POTED: variants seen among roughly 807,000 people sequenced by gnomAD.
POTED encodes ANKRD26-like family B member 3.
In POTED, 7 loss-of-function variants were observed where a neutral mutation model predicts 19.0. The observed-to-expected ratio is 0.37, with a 90% CI of 0.21 to 0.69. POTED has a LOEUF of 0.69. Among genes scored for constraint, POTED ranks in the 30% least tolerant of loss-of-function variants. POTED has a pLI of 0.56. For synonymous variants in POTED, 16 were observed against 92.0 expected, an observed-to-expected ratio of 0.17 and a Z score of 4.73; for missense variants, 54 against 278.5, an observed-to-expected ratio of 0.19 and a Z score of 5.74.
chr21:13,645,444 G>T lies in POTED; in HGVS notation c.*3878G>T, dbSNP rs569903787. Among the ~76,000 whole-genome samples the T allele has an allele frequency of 9.8e-4, 130 of 132,280 alleles. 24 individuals are homozygous for T. The highest frequency in any genetic ancestry group is 3.6e-3 in the African/African-American group (118 of 32,402). The allele number at this position is 132,280 out of a possible 152,430, so 86.8% of individuals were successfully genotyped here. A position where few individuals can be genotyped will look rare whatever the true frequency, so the allele number is the denominator to read the frequency against. On this transcript the variant is annotated 3_prime_UTR_variant, in exon 11 of 11. Transcript: ENST00000299443. ...AAGACATTCAACATCTCAAAGAAAAGAAATTTCAACCCAGAATTTCATGTC... is the reference window on the plus strand; with the variant it reads ...AAGACATTCAACATCTCAAAGAAAATAAATTTCAACCCAGAATTTCATGTC...
At position 13,645,310 on chromosome 21, in the gene POTED, A is replaced by G. The variant is rs1280404991; in HGVS notation, c.*3744A>G. On this transcript the variant is annotated 3_prime_UTR_variant, in exon 11 of 11. Coordinates refer to ENST00000299443, the MANE Select transcript of POTED (RefSeq NM_174981.6). ...ATAATCGTCAGATTTTCTGAGGTCAAAATAAAAGAAAAAATGTTAAAGGCA... is the reference window on the plus strand; with the variant it reads ...ATAATCGTCAGATTTTCTGAGGTCAGAATAAAAGAAAAAATGTTAAAGGCA... Among the ~76,000 whole-genome samples the G allele has an allele frequency of 3.0e-5, 4 of 134,502 alleles. 2 individuals carry two copies. Among genetic ancestry groups the G allele is most frequent in the Non-Finnish European group, 6.4e-5 (4 of 62,100 alleles). 88.2% of individuals were successfully genotyped at this position (134,502 alleles called of 152,430 possible).
Position 13,640,523 on chromosome 21 carries a change from C to CGT in POTED, c.1534-795_1534-794dup, listed in dbSNP as rs563854848. On this transcript the variant is annotated intron_variant, in intron 10 of 10. Transcript: ENST00000299443. ...AAAAATCCTGCACGTTGCATATATA[C>CGT]GTGTGTGTGTGTGTGTGTGTGTGTG... Among the ~76,000 whole-genome samples the CGT allele has an allele frequency of 8.1e-3, 611 of 75,382 alleles. 188 individuals are homozygous for CGT. Among genetic ancestry groups the CGT allele is most frequent in the Admixed American group, 0.014 (128 of 8,870 alleles). 49.5% of individuals were successfully genotyped at this position (75,382 alleles called of 152,430 possible). A position where few individuals can be genotyped will look rare whatever the true frequency, so the allele number is the denominator to read the frequency against.
At chr21:13,632,520 C>A (rs1689494476) in intron 9 of POTED, among the ~76,000 whole-genome samples, 1 of 71,404 alleles carries the variant, frequency 1.4e-5, no homozygotes, top group African/African-American at 1.2e-4. Context: ...AGCTAATTGA[C>A]TCTATGGACT....
At position 13,610,622 on chromosome 21, in the gene POTED, A is replaced by G. The variant is rs537419636; in HGVS notation, c.394A>G (p.Arg132Gly). ...CGACCACAGCGCCTTCATGGAGCCG[A>G]GGTACCACATCCGTCGAGAAGATCT... is the stretch of plus-strand genomic sequence containing the variant. ...DYDHSAFMEPRYHIRREDLDK... is the reference protein window; with the variant it reads ...DYDHSAFMEPGYHIRREDLDK... Residue 132 changes from arginine (R) to glycine (G), a missense_variant, in exon 1 of 11, where the codon AGG (arginine) becomes GGG (glycine). By Grantham distance (125) the Arg-to-Gly change is moderately radical (BLOSUM62 -2). Coordinates refer to ENST00000299443, the MANE Select transcript of POTED (RefSeq NM_174981.6). 5.1e-4 allele frequency: 553 copies of G among 1,076,820 alleles called. 203 individuals are homozygous for G. In the South Asian group the frequency reaches 6.1e-3, roughly 12 times the overall value. 66.7% of individuals were successfully genotyped at this position (1,076,820 alleles called of 1,614,324 possible). A position where few individuals can be genotyped will look rare whatever the true frequency, so the allele number is the denominator to read the frequency against.
In POTED at chr21:13,637,253, A is replaced by G. The variant is rs1289210089; in HGVS notation, c.1410-2262A>G. Among the ~76,000 whole-genome samples the G allele has an allele frequency of 2.3e-4, 17 of 74,592 alleles. 7 individuals carry two copies. In the South Asian group the frequency reaches 2.3e-3, roughly 10 times the overall value. The allele number at this position is 74,592 out of a possible 152,430, so 48.9% of individuals were successfully genotyped here. ...TAATTTGTATCCCCACCAGCAGTGTATAACTCTTTTTTCACCACATCCACA... is the reference window on the plus strand; with the variant it reads ...TAATTTGTATCCCCACCAGCAGTGTGTAACTCTTTTTTCACCACATCCACA... On this transcript the variant is annotated intron_variant, in intron 9 of 10. Transcript: ENST00000299443.
chr21:13,610,886 A>G (rs1470896142), intron 1 of POTED, 137 bp downstream of exon 1: 1 of 726,794 alleles, frequency 1.4e-6, no homozygotes, highest in Non-Finnish European at 1.8e-6. Context: ...AACCTCAGAG[A>G]GGTCAGGGCC....
chr21:13,639,462 A>G (rs371512664), intron 9 of POTED, 53 bp from the exon 10 acceptor site: 1 of 350,538 alleles, frequency 2.9e-6, no homozygotes, highest in South Asian at 3.1e-5. Flanking sequence ...CTTGCCCTGT[A>G]GATCATTTTA....
rs982108833 is a variant in POTED, at chr21:13,643,129, C to A, written c.*1563C>A. Among the ~76,000 whole-genome samples, 2 of 15,570 alleles carry A rather than the reference C, an allele frequency of 1.3e-4. 1 individual carries two copies. The highest frequency in any genetic ancestry group is 2.0e-4 in the Non-Finnish European group (2 of 9,774). 10.2% of individuals were successfully genotyped at this position (15,570 alleles called of 152,430 possible). A position where few individuals can be genotyped will look rare whatever the true frequency, so the allele number is the denominator to read the frequency against. ...GTCAGTCCATCTTCCACAGGTACAA[C>A]ACACCCCTTACTGCTCATCACCAGA... On this transcript the variant is annotated 3_prime_UTR_variant, in exon 11 of 11. Coordinates refer to ENST00000299443, the MANE Select transcript of POTED (RefSeq NM_174981.6).
chr21:13,634,549 G>A (rs147641803), intron 9 of POTED, among the ~76,000 whole-genome samples: 2,028 of 81,164 alleles, frequency 0.025, 913 homozygotes, highest in African/African-American at 0.18. Context: ...AAGATGCCAG[G>A]CACACCTCTG....
In POTED at chr21:13,635,197, G is replaced by T. The variant is rs2011230663; in HGVS notation, c.1409+4090G>T. 2.5e-5 allele frequency among the ~76,000 whole-genome samples: 2 copies of T among 79,670 alleles called. 1 individual carries two copies. The highest frequency in any genetic ancestry group is 2.1e-4 in the Admixed American group (2 of 9,370). 52.3% of individuals were successfully genotyped at this position (79,670 alleles called of 152,430 possible). A position where few individuals can be genotyped will look rare whatever the true frequency, so the allele number is the denominator to read the frequency against. On this transcript the variant is annotated intron_variant, in intron 9 of 10. Coordinates refer to ENST00000299443, the MANE Select transcript of POTED (RefSeq NM_174981.6). ...TACCTAACAAATACTTATTAAATGA[G>T]TGAAGGGAGTTTATCCTGGATATAT...
At chr21:13,615,823 C>CT (rs558490753) in intron 3 of POTED, among the ~76,000 whole-genome samples, 35 of 1,188 alleles carry the variant, frequency 0.029, 2 homozygotes, top group South Asian at 0.12. Context: ...AAAGGTAATA[C>CT]TTTTTTTTTT....
In POTED at chr21:13,624,019, C is replaced by T. The variant is rs558869170; in HGVS notation, c.1126+1144C>T. Among the ~76,000 whole-genome samples the T allele has an allele frequency of 4.7e-4, 46 of 96,914 alleles. 11 individuals carry two copies. Among genetic ancestry groups the T allele is most frequent in the Admixed American group, 2.8e-3 (28 of 9,950 alleles). The allele number at this position is 96,914 out of a possible 152,430, so 63.6% of individuals were successfully genotyped here. A position where few individuals can be genotyped will look rare whatever the true frequency, so the allele number is the denominator to read the frequency against. Reference sequence around the variant, plus strand: ...CAAAGAAAACCTTTCTATGTTTTCACTTGTCCACTTAACAAATAACTATTA... The same window carrying T: ...CAAAGAAAACCTTTCTATGTTTTCATTTGTCCACTTAACAAATAACTATTA... On this transcript the variant is annotated intron_variant, in intron 6 of 10. Transcript: ENST00000299443.
chr21:13,619,359 T>C (rs1490461505), intron 4 of POTED, among the ~76,000 whole-genome samples: 1 of 71,732 alleles, frequency 1.4e-5, no homozygotes, highest in Non-Finnish European at 2.4e-5. Context: ...GCATGGCACA[T>C]GTATACATAT....
In POTED at chr21:13,634,304, G is replaced by A. The variant is rs1026351714; in HGVS notation, c.1409+3197G>A. Reference sequence around the variant, plus strand: ...CCACCCTCATCTGCAGTCTAGATGAGTGCCATAGACTGGGAATTGATAGTC... The same window carrying A: ...CCACCCTCATCTGCAGTCTAGATGAATGCCATAGACTGGGAATTGATAGTC... On this transcript the variant is annotated intron_variant, in intron 9 of 10. Coordinates refer to ENST00000299443, the MANE Select transcript of POTED (RefSeq NM_174981.6). Among the ~76,000 whole-genome samples the A allele has an allele frequency of 1.2e-4, 10 of 82,122 alleles. 4 individuals are homozygous for A. The highest frequency in any genetic ancestry group is 1.9e-4 in the African/African-American group (2 of 10,744). The allele number at this position is 82,122 out of a possible 152,430, so 53.9% of individuals were successfully genotyped here.
At position 13,639,774 on chromosome 21, in the gene POTED, A is replaced by T. The variant is rs371411863; in HGVS notation, c.1533+136A>T. 4 of 436,580 alleles carry T rather than the reference A, an allele frequency of 9.2e-6. 2 individuals carry two copies. The African/African-American group carries it at 3.3e-4, about 36-fold the overall frequency. 27.0% of individuals were successfully genotyped at this position (436,580 alleles called of 1,614,324 possible). On this transcript the variant is annotated intron_variant, in intron 10 of 10. Coordinates refer to ENST00000299443, the MANE Select transcript of POTED (RefSeq NM_174981.6). ...TGTGTGTATATATATGTGTGTGTGT[A>T]TATATATACACACACACACACACAC...
At chr21:13,637,146 G>T (rs1170291664) in intron 9 of POTED, among the ~76,000 whole-genome samples, 2 of 71,414 alleles carry the variant, frequency 2.8e-5, no homozygotes, top group East Asian at 7.7e-4. Flanking sequence ...TTTTGGGTAG[G>T]TATCCAGAAA....
At chr21:13,626,671 G>A (rs2011187524) in intron 6 of POTED, among the ~76,000 whole-genome samples, 1 of 58,704 alleles carries the variant, frequency 1.7e-5, no homozygotes, top group Non-Finnish European at 3.0e-5. Flanking sequence ...TTACTGAGTG[G>A]CTCTTAATGC....
Position 13,619,636 on chromosome 21 carries a change from G to A in POTED, c.918-522G>A, listed in dbSNP as rs867372995. 6.3e-4 allele frequency among the ~76,000 whole-genome samples: 13 copies of A among 20,570 alleles called. 2 individuals are homozygous for A. The highest frequency in any genetic ancestry group is 2.6e-3 in the Admixed American group (6 of 2,330). 13.5% of individuals were successfully genotyped at this position (20,570 alleles called of 152,430 possible). On this transcript the variant is annotated intron_variant, in intron 4 of 10. Coordinates refer to ENST00000299443, the MANE Select transcript of POTED (RefSeq NM_174981.6). ...GAATATATCCTTCAAAGTTGGCTGT[G>A]CATAAGCAAGAAAGATATATGTGGC...
rs1245159319 is a variant in POTED, at chr21:13,631,260, G to GT, written c.1409+155dup. On this transcript the variant is annotated intron_variant, in intron 9 of 10. Coordinates refer to ENST00000299443, the MANE Select transcript of POTED (RefSeq NM_174981.6). Reference sequence around the variant, plus strand: ...AAAAATGAAAATCAGTAAACAATGAGTTACCGTTTTTTCCAGTCATTAATT... The same window carrying GT: ...AAAAATGAAAATCAGTAAACAATGAGTTTACCGTTTTTTCCAGTCATTAATT... Among the ~76,000 whole-genome samples, 11 of 114,880 alleles carry GT rather than the reference G, an allele frequency of 9.6e-5. 1 individual carries two copies. Among genetic ancestry groups the GT allele is most frequent in the Non-Finnish European group, 5.3e-5 (3 of 57,100 alleles). 75.4% of individuals were successfully genotyped at this position (114,880 alleles called of 152,430 possible).
Sources: gnomAD v4.1 joint callset for allele counts (sites outside exome capture counted in the v4.1 genomes callset) on GRCh38, gnomAD v4.1.1 for gene constraint, MANE v1.5 for transcripts, NCBI Gene and HGNC (gene_info 2026-07-23, HGNC 2026-07-21) for gene names.